Variants in VWF observed in about 807,000 individuals in gnomAD.
VWF encodes the protein Factor VIII related antigen.
Under a neutral mutation model 308.6 loss-of-function variants are expected in VWF, and 176 were observed. That is an observed-to-expected ratio of 0.57 (90% CI 0.50 to 0.65). The LOEUF is 0.65. Among genes scored for constraint, VWF ranks in the 30% least tolerant of loss-of-function variants. The pLI, the probability that VWF is intolerant of heterozygous loss-of-function variation, is 0.00. For missense variants in VWF, 3,146 were observed against 3,648.2 expected, an observed-to-expected ratio of 0.86 and a Z score of 3.55; for synonymous variants, 1,385 against 1,443.4, an observed-to-expected ratio of 0.96 and a Z score of 0.92.
At chr12:6,037,634 C>T (rs1030948621) in intron 18 of VWF, among the ~76,000 whole-genome samples, 1 of 152,222 alleles carries the variant, frequency 6.6e-6, no homozygotes, top group African/African-American at 2.4e-5. Flanking sequence ...GCCCTGGGTG[C>T]CTGTCCTGGT....
intron 6 of VWF, among the ~76,000 whole-genome samples, chr12:6,092,509 A>G (rs903529581): frequency 1.1e-5 from 1 of 91,794 alleles, no homozygotes; most frequent in African/African-American, 3.6e-5. Context: ...CCCAGCTAGT[A>G]TGTGTTTGTC....
chr12:5,969,521 A>G (rs1382743846), intron 44 of VWF, 130 bp from the exon 45 acceptor site: 1 of 1,105,932 alleles, frequency 9.0e-7, no homozygotes, highest in Non-Finnish European at 1.3e-6. Flanking sequence ...AAGTCCCACC[A>G]CAGGGTAGGG....
intron 19 of VWF, among the ~76,000 whole-genome samples, chr12:6,036,045 T>G (rs1021829949): frequency 6.6e-6 from 1 of 152,224 alleles, no homozygotes; most frequent in African/African-American, 2.4e-5. Flanking sequence ...TAAATAAATG[T>G]CATGTTTAGA....
intron 23 of VWF, 94 bp from the exon 24 acceptor site, chr12:6,025,787 C>A: frequency 6.3e-7 from 1 of 1,577,232 alleles, no homozygotes; most frequent in Non-Finnish European, 8.7e-7. Context: ...TCCCACCCTG[C>A]AGCCACCTGG....
At chr12:6,044,662 G>T (rs901057320) in intron 17 of VWF, among the ~76,000 whole-genome samples, 1 of 152,110 alleles carries the variant, frequency 6.6e-6, no homozygotes, top group African/African-American at 2.4e-5. Flanking sequence ...GCTTACATTG[G>T]TGGCAGCTCT....
intron 6 of VWF, among the ~76,000 whole-genome samples, chr12:6,090,629 T>C (rs149010327): frequency 0.019 from 1,092 of 57,702 alleles, 9 homozygotes; most frequent in Admixed American, 0.042. Context: ...TCCTCCTCCT[T>C]CTCGTCCTCC....
At chr12:6,042,532 C>T (rs138657896) in intron 18 of VWF, among the ~76,000 whole-genome samples, 2 of 152,346 alleles carry the variant, frequency 1.3e-5, no homozygotes, top group East Asian at 1.9e-4. Context: ...ATAATTTGCA[C>T]ACTCGCCGGC....
rs534403271 is a variant in VWF, at chr12:6,071,348, T to TG, written c.1110-6dup. 1,242 of 1,614,114 alleles carry TG rather than the reference T, an allele frequency of 7.7e-4. 3 individuals are homozygous for TG. Among genetic ancestry groups the TG allele is most frequent in the Non-Finnish European group, 9.7e-4 (1,142 of 1,180,006 alleles). On this transcript the variant is annotated splice_region_variant and splice_polypyrimidine_tract_variant and intron_variant, in intron 9 of 51. Coordinates refer to ENST00000261405, the MANE Select transcript of VWF (RefSeq NM_000552.5). Reference sequence around the variant, plus strand: ...CACTGGCTGTTTCGGCAAATGCTGTTGGAGGGAAAAAGCACAGGTCATTGG... The same window carrying TG: ...CACTGGCTGTTTCGGCAAATGCTGTTGGGAGGGAAAAAGCACAGGTCATTGG...
At chr12:5,971,044 C>A (rs946143527) in intron 44 of VWF, among the ~76,000 whole-genome samples, 4 of 152,104 alleles carry the variant, frequency 2.6e-5, no homozygotes, top group Non-Finnish European at 5.9e-5. Context: ...AAGGGACTGG[C>A]GGGGGTGAGC....
chr12:6,015,701 T>C (rs2136407913), intron 31 of VWF, among the ~76,000 whole-genome samples: 1 of 152,232 alleles, frequency 6.6e-6, no homozygotes, highest in South Asian at 2.1e-4. Context: ...GGACTCTAAA[T>C]ACATGAAAGC....
chr12:6,029,284 A>G, intron 22 of VWF, 58 bp downstream of exon 22: 1 of 1,610,902 alleles, frequency 6.2e-7, no homozygotes, highest in Non-Finnish European at 8.5e-7. Flanking sequence ...ACGATCAGGG[A>G]GCAGAAAACA....
intron 16 of VWF, among the ~76,000 whole-genome samples, chr12:6,051,355 G>A (rs946223396): frequency 1.5e-4 from 22 of 144,822 alleles, no homozygotes; most frequent in Admixed American, 4.2e-4. Flanking sequence ...GCAGTGGCAA[G>A]ATCTCAGCTC....
At chr12:5,979,028 C>A (rs1051120799) in intron 42 of VWF, among the ~76,000 whole-genome samples, 1 of 150,592 alleles carries the variant, frequency 6.6e-6, no homozygotes, top group Non-Finnish European at 1.5e-5. Flanking sequence ...ACTTGAATAT[C>A]AAAAAAAAAT....
Position 6,075,318 on chromosome 12 carries a change from G to A in VWF, c.874+17C>T, listed in dbSNP as rs767807341. 3.7e-6 allele frequency: 6 copies of A among 1,613,612 alleles called. No homozygotes were observed. Among genetic ancestry groups the A allele is most frequent in the Non-Finnish European group, 5.1e-6 (6 of 1,179,924 alleles). ...TTCATCCCCGGCAGGGCAGGACGGG[G>A]CAGGGGGCCGACTTACTGCACGCGC... On this transcript the variant is annotated intron_variant, in intron 7 of 51. Transcript: ENST00000261405. The surrounding 1 kb of genome is among the most constrained non-coding windows in gnomAD (Gnocchi z 4.7).
chr12:5,958,521 CTACAAAAAA>C (rs1335097342), intron 47 of VWF, among the ~76,000 whole-genome samples: 1 of 152,040 alleles, frequency 6.6e-6, no homozygotes, highest in Non-Finnish European at 1.5e-5. Flanking sequence ...AACCCCATCT[CTACAAAAAA>C]TACAAAAAAT....
At chr12:6,089,003 TGG>T (rs983939602) in intron 6 of VWF, among the ~76,000 whole-genome samples, 6 of 152,098 alleles carry the variant, frequency 3.9e-5, no homozygotes, top group Non-Finnish European at 7.4e-5. Context: ...ACCAGAGGGT[TGG>T]GGAAGTAGAT....
chr12:5,967,512 T>A lies in VWF; in HGVS notation c.7861A>T (p.Lys2621Ter), dbSNP rs774563410. 1 of 1,614,090 alleles carries A rather than the reference T, an allele frequency of 6.2e-7. No individual in the cohort carries two copies. Among genetic ancestry groups the A allele is most frequent in the East Asian group, 2.2e-5 (1 of 44,870 alleles). Residue 2621 changes from lysine to a stop codon, truncating the protein, a stop_gained, in exon 47 of 52, where the codon AAG becomes TAG. Coordinates refer to ENST00000261405, the MANE Select transcript of VWF (RefSeq NM_000552.5). LOFTEE classifies it high-confidence loss of function. ...VISGFKLECRKTTCNPCPLGY... is the reference protein window; with the variant it reads ...VISGFKLECR ...AGGGGGCAGGGGTTGCAGGTGGTCTTCCTGCACTCCAGCTTGAATCCAGAG... is the reference window on the plus strand; with the variant it reads ...AGGGGGCAGGGGTTGCAGGTGGTCTACCTGCACTCCAGCTTGAATCCAGAG...
chr12:6,070,825 T>C (rs865929256), intron 10 of VWF, among the ~76,000 whole-genome samples: 2 of 152,216 alleles, frequency 1.3e-5, no homozygotes, highest in Non-Finnish European at 2.9e-5. Context: ...GAGGAATCAT[T>C]TGGTGACCTG....
At chr12:6,093,295 C>T (rs1179291355) in intron 6 of VWF, among the ~76,000 whole-genome samples, 1 of 152,084 alleles carries the variant, frequency 6.6e-6, no homozygotes, top group Non-Finnish European at 1.5e-5. Flanking sequence ...AAGGGCTCAC[C>T]ACTGAGTCAT....
Sources: gnomAD v4.1 joint callset for allele counts (sites outside exome capture counted in the v4.1 genomes callset) on GRCh38, gnomAD v4.1.1 for gene constraint, Gnocchi (gnomAD v3.1) non-coding constraint, MANE v1.5 for transcripts, NCBI Gene and HGNC (gene_info 2026-07-23, HGNC 2026-07-21) for gene names.